The following VDAC1 variants were observed in gnomAD, a reference collection of about 807,000 sequenced individuals.
VDAC1 encodes the protein non-selective voltage-gated ion channel VDAC1.
A neutral mutation model predicts 34.7 loss-of-function variants in VDAC1; 10 were observed. The ratio of observed to expected loss-of-function variants is 0.29; its 90% CI spans 0.18 to 0.49. The LOEUF (loss-of-function observed/expected upper bound fraction) is 0.49. Among genes scored for constraint, VDAC1 ranks in the 20% least tolerant of loss-of-function variants. The probability of loss-of-function intolerance (pLI) is 0.99; values close to 1 mark genes in which losing one functional copy is unlikely to be tolerated. For missense variants in VDAC1, 230 were observed against 347.9 expected, an observed-to-expected ratio of 0.66 and a Z score of 2.69; for synonymous variants, 130 against 136.0, an observed-to-expected ratio of 0.96 and a Z score of 0.30.
the VDAC1 span, among the ~76,000 whole-genome samples, chr5:134,036,642 C>G: frequency 7.0e-6 from 1 of 142,154 alleles, no homozygotes; most frequent in African/African-American, 2.6e-5. Context: ...GGTGACAGAG[C>G]AAGACACTGT....
chr5:134,017,495 T>C, the VDAC1 span, among the ~76,000 whole-genome samples: 16 of 152,002 alleles, frequency 1.1e-4, no homozygotes, highest in Admixed American at 1.0e-3. Flanking sequence ...TCTGGCTTCC[T>C]TGCTAGAGTG....
the VDAC1 span, among the ~76,000 whole-genome samples, chr5:134,013,015 G>C: frequency 6.6e-6 from 1 of 152,114 alleles, no homozygotes; most frequent in Non-Finnish European, 1.5e-5. Flanking sequence ...TTTAATAAAT[G>C]GTGCTGGAAT....
At chr5:134,073,611 G>T in the VDAC1 span, among the ~76,000 whole-genome samples, 45 of 152,334 alleles carry the variant, frequency 3.0e-4, no homozygotes, top group East Asian at 8.1e-3. Context: ...AGTGTTGCTT[G>T]TCATGGTGAC....
At chr5:134,038,597 C>G in the VDAC1 span, among the ~76,000 whole-genome samples, 7 of 152,116 alleles carry the variant, frequency 4.6e-5, no homozygotes, top group East Asian at 7.7e-4. Flanking sequence ...GAGTTCAAAA[C>G]AGCTACAGCA....
intron 5 of VDAC1, among the ~76,000 whole-genome samples, chr5:133,987,101 G>A (rs1053808123): frequency 3.3e-5 from 5 of 152,204 alleles, no homozygotes; most frequent in Non-Finnish European, 5.9e-5. Context: ...GCTCACACCT[G>A]TAATCCCAGA....
At chr5:134,096,959 C>G in the VDAC1 span, among the ~76,000 whole-genome samples, 2 of 152,280 alleles carry the variant, frequency 1.3e-5, no homozygotes, top group Admixed American at 6.5e-5. Flanking sequence ...TTGCAGCCCC[C>G]TCTGGGGAAG....
upstream of VDAC1, among the ~76,000 whole-genome samples, chr5:134,007,533 GA>G (rs377172548): frequency 6.6e-6 from 1 of 152,172 alleles, no homozygotes; most frequent in African/African-American, 2.4e-5. Flanking sequence ...CCCTGAGGGA[GA>G]GGGGAAACCC....
chr5:134,006,865 T>C, upstream of VDAC1, among the ~76,000 whole-genome samples: 1 of 151,606 alleles, frequency 6.6e-6, no homozygotes, highest in African/African-American at 2.4e-5. Context: ...ACTCACTTAG[T>C]GGCTGCGTGA....
the VDAC1 span, among the ~76,000 whole-genome samples, chr5:134,016,499 C>T: frequency 6.6e-6 from 1 of 152,182 alleles, no homozygotes; most frequent in Non-Finnish European, 1.5e-5. Context: ...CTCCATACCC[C>T]ACCAGTGAGT....
At chr5:134,062,147 C>T in the VDAC1 span, among the ~76,000 whole-genome samples, 3 of 151,278 alleles carry the variant, frequency 2.0e-5, no homozygotes, top group Admixed American at 6.6e-5. Context: ...CCACCATGCC[C>T]GGCTAATTTT....
At chr5:134,000,145 T>C (rs1753487015) in intron 1 of VDAC1, among the ~76,000 whole-genome samples, 1 of 152,148 alleles carries the variant, frequency 6.6e-6, no homozygotes, top group African/African-American at 2.4e-5. Context: ...GCACTTTCTC[T>C]TTCTTGCCAG....
Position 133,988,453 on chromosome 5 carries a change from G to A in VDAC1, c.323+2402C>T, listed in dbSNP as rs539345787. Among the ~76,000 whole-genome samples, 6 of 152,164 alleles carry A rather than the reference G, an allele frequency of 3.9e-5. No homozygotes were observed. In the East Asian group the frequency reaches 1.2e-3, roughly 29 times the overall value. ...AATACAAAATTAGCTGGGTGTGGTG[G>A]TGCATTCCTGTAATCCCGGCTACTC... On this transcript the variant is annotated intron_variant, in intron 5 of 8. Transcript: ENST00000265333.
At chr5:134,008,318 G>C (rs991584993), upstream of VDAC1, among the ~76,000 whole-genome samples, 2 of 152,314 alleles carry the variant, frequency 1.3e-5, no homozygotes, top group East Asian at 3.9e-4. Flanking sequence ...CTTACCAGCT[G>C]CCTGAGCCAA....
intron 1 of VDAC1, among the ~76,000 whole-genome samples, chr5:133,998,072 CAAA>C (rs200915111): frequency 6.0e-5 from 6 of 99,800 alleles, no homozygotes; most frequent in Admixed American, 9.8e-5. Context: ...CGTCTCGAAA[CAAA>C]AAAAAAAAAA....
the VDAC1 span, among the ~76,000 whole-genome samples, chr5:134,085,108 G>A: frequency 0.02 from 3,008 of 148,792 alleles, 88 homozygotes; most frequent in African/African-American, 0.07. Context: ...TCACTCTGCT[G>A]CCCAGGCTGG....
chr5:134,051,352 C>A, the VDAC1 span, among the ~76,000 whole-genome samples: 1 of 152,224 alleles, frequency 6.6e-6, no homozygotes, highest in Non-Finnish European at 1.5e-5. Flanking sequence ...GTGAAGAAGG[C>A]GCCTTGGGAT....
At chr5:134,071,284 G>A in the VDAC1 span, among the ~76,000 whole-genome samples, 1 of 152,228 alleles carries the variant, frequency 6.6e-6, no homozygotes, top group East Asian at 1.9e-4. This position sits in a 1 kb window ranked among gnomAD's most constrained non-coding sequence, Gnocchi z 4.1. Context: ...CGTGCGGGAG[G>A]GGGCAGCCAG....
rs1396520730 is a variant in VDAC1, at chr5:133,976,915, G to A, written c.552-894C>T. ...AAAAATTAGCTGGGCATGGTGGCAG[G>A]TGCCTGTAATCCCAGCAACCTGGGG... On this transcript the variant is annotated intron_variant, in intron 6 of 8. Transcript: ENST00000265333. 4.6e-5 allele frequency among the ~76,000 whole-genome samples: 7 copies of A among 152,150 alleles called. No individual in the cohort carries two copies. The East Asian group carries it at 1.4e-3, about 30-fold the overall frequency.
chr5:133,975,995 G>C lies in VDAC1; in HGVS notation c.578C>G (p.Ser193Cys), dbSNP rs1561580980. The change falls in exon 7 of 9, where the codon TCC becomes TGC. Residue 193 changes from serine (S) to cysteine (C), a missense_variant. By Grantham distance (112) the Ser-to-Cys change is moderately radical. Transcript: ENST00000265333. ...NVNDGTEFGG[S>C]IYQKVNKKLE... ...CTTCTTGTTCACTTTCTGGTAAATG[G>C]AGCCGCCAAACTCTGTCCCGTCATT... 1 of 1,613,994 alleles carries C rather than the reference G, an allele frequency of 6.2e-7. No homozygotes were observed. Among genetic ancestry groups the C allele is most frequent in the South Asian group, 1.1e-5 (1 of 91,074 alleles).
Sources: gnomAD v4.1 joint callset for allele counts (sites outside exome capture counted in the v4.1 genomes callset) on GRCh38, gnomAD v4.1.1 for gene constraint, Gnocchi (gnomAD v3.1) non-coding constraint, MANE v1.5 for transcripts, NCBI Gene and HGNC (gene_info 2026-07-23, HGNC 2026-07-21) for gene names.